Variants in ZNF528 observed in about 807,000 individuals in gnomAD.
ZNF528 encodes zinc finger protein 528.
Under a neutral mutation model 13.3 loss-of-function variants are expected in ZNF528, and 9 were observed. The ratio of observed to expected loss-of-function variants is 0.67; its 90% CI spans 0.41 to 1.18. ZNF528 has a LOEUF of 1.18. ZNF528 is among the 50% of genes most tolerant of loss of function. The pLI, the probability that ZNF528 is intolerant of heterozygous loss-of-function variation, is 0.01. For synonymous variants in ZNF528, 264 were observed against 254.3 expected, an observed-to-expected ratio of 1.04 and a Z score of -0.36; for missense variants, 858 against 745.4, an observed-to-expected ratio of 1.15 and a Z score of -1.76.
chr19:52,408,086 C>T (rs1382461368), intron 6 of ZNF528: 2 of 152,056 alleles, frequency 1.3e-5, no homozygotes, highest in African/African-American at 4.8e-5. Context: ...AACAACTCTG[C>T]TCTTTCTGTT....
In ZNF528 at chr19:52,415,946, G is replaced by A. The variant is rs142156816; in HGVS notation, c.1094G>A (p.Arg365His). ...GAATGTGGCAAAGCATTTTCAGTGC[G>A]TTCCAGCCTCATAACCCATCAGTTA... ...CEECGKAFSV[R>H]SSLITHQLIH... The change falls in exon 7 of 7, where the codon CGT (arginine) becomes CAT (histidine). Residue 365 changes from arginine to histidine, a missense_variant. Physicochemically the swap from Arg to His is conservative, Grantham distance 29. Transcript: ENST00000360465. 8.4e-3 allele frequency: 13,591 copies of A among 1,613,842 alleles called. 130 individuals carry two copies. The highest frequency in any genetic ancestry group is 0.026 in the Middle Eastern group (159 of 6,060).
At position 52,401,690 on chromosome 19, in the gene ZNF528, C is replaced by G. The variant is rs758388321; in HGVS notation, c.-131C>G. ...TTTTTTTTTTTTTTTTTTAGGTTCA[C>G]AAATTTTAAGAAAGGGAGAATAAAG... is the stretch of plus-strand genomic sequence containing the variant. On this transcript the variant is annotated 5_prime_UTR_variant, in exon 3 of 7. Coordinates refer to ENST00000360465, the MANE Select transcript of ZNF528 (RefSeq NM_032423.3). 2 of 783,344 alleles carry G rather than the reference C, an allele frequency of 2.6e-6. No homozygotes were observed. Among genetic ancestry groups the G allele is most frequent in the Non-Finnish European group, 3.5e-6 (2 of 576,912 alleles). 48.5% of individuals were successfully genotyped at this position (783,344 alleles called of 1,614,324 possible). A position where few individuals can be genotyped will look rare whatever the true frequency, so the allele number is the denominator to read the frequency against.
At position 52,417,874 on chromosome 19, in the gene ZNF528, C is replaced by T. The variant is rs914030707; in HGVS notation, c.*1135C>T. The T allele has an allele frequency of 6.6e-6, 1 of 152,148 alleles. No individual in the cohort carries two copies. Among genetic ancestry groups the T allele is most frequent in the African/African-American group, 2.4e-5 (1 of 41,422 alleles). The allele number at this position is 152,148 out of a possible 1,614,324, so 9.4% of individuals were successfully genotyped here. On this transcript the variant is annotated 3_prime_UTR_variant, in exon 7 of 7. Coordinates refer to ENST00000360465, the MANE Select transcript of ZNF528 (RefSeq NM_032423.3). ...CAAGTGATATGTTCACCTCAGCCTC[C>T]CAAAGTGCTGGGATTACAGGCATGA...
chr19:52,408,531 T>C (rs2058888528), intron 6 of ZNF528: 3 of 152,126 alleles, frequency 2.0e-5, no homozygotes. Flanking sequence ...GCAATAATAC[T>C]TGTTTCTGTA....
chr19:52,415,938 T>G lies in ZNF528; in HGVS notation c.1086T>G (p.Phe362Leu), dbSNP rs1264723644. Reference protein sequence around the residue: ...PYKCEECGKAFSVRSSLITHQ... With the variant: ...PYKCEECGKALSVRSSLITHQ... Reference sequence around the variant, plus strand: ...AATGTGAAGAATGTGGCAAAGCATTTTCAGTGCGTTCCAGCCTCATAACCC... The same window carrying G: ...AATGTGAAGAATGTGGCAAAGCATTGTCAGTGCGTTCCAGCCTCATAACCC... Residue 362 changes from phenylalanine (F) to leucine (L), a missense_variant, in exon 7 of 7, where the codon TTT becomes TTG. Transcript: ENST00000360465. The G allele has an allele frequency of 3.1e-6, 5 of 1,613,764 alleles. No homozygotes were observed. In the East Asian group the frequency reaches 1.1e-4, roughly 36 times the overall value.
At chr19:52,414,844 C>T (rs1177046817) in intron 6 of ZNF528, 1 of 976,118 alleles carries the variant, frequency 1.0e-6, no homozygotes, top group Non-Finnish European at 1.5e-6. Flanking sequence ...CTAAGAGGCT[C>T]ATCCCTGCTT....
At chr19:52,400,396 T>G (rs1159205305) in intron 2 of ZNF528, among the ~76,000 whole-genome samples, 2 of 152,116 alleles carry the variant, frequency 1.3e-5, no homozygotes, top group Non-Finnish European at 2.9e-5. Context: ...GTTTAGGCGC[T>G]CTCTCACTCT....
intron 6 of ZNF528, among the ~76,000 whole-genome samples, chr19:52,408,808 C>A (rs1039731192): frequency 6.6e-6 from 1 of 152,128 alleles, no homozygotes; most frequent in South Asian, 2.1e-4. Flanking sequence ...CTCAGGTGAT[C>A]CACCCACCTC....
intron 4 of ZNF528, among the ~76,000 whole-genome samples, chr19:52,405,703 T>C (rs1423271459): frequency 6.6e-6 from 1 of 151,178 alleles, no homozygotes; most frequent in Non-Finnish European, 1.5e-5. Flanking sequence ...ACATCTACAC[T>C]GATTTAAGGA....
chr19:52,398,612 A>C lies in ZNF528; in HGVS notation c.-144A>C. The C allele has an allele frequency of 1.0e-4, 102 of 985,520 alleles. No homozygotes were observed. The highest frequency in any genetic ancestry group is 1.2e-4 in the Non-Finnish European group (99 of 829,974). 61.0% of individuals were successfully genotyped at this position (985,520 alleles called of 1,614,324 possible). A position where few individuals can be genotyped will look rare whatever the true frequency, so the allele number is the denominator to read the frequency against. The stretch of plus-strand genomic sequence containing the variant: ...TGAGAGACCCATTAACAGAAGGCAA[A>C]GTAGAAGGTGAGTGAGGGGTTTGCA... On this transcript the variant is annotated 5_prime_UTR_variant, in exon 2 of 7. Transcript: ENST00000360465.
intron 6 of ZNF528, chr19:52,408,480 A>C (rs906060730): frequency 2.0e-5 from 3 of 151,978 alleles, no homozygotes; most frequent in African/African-American, 7.2e-5. Context: ...TGTCTTTTAA[A>C]TTGTAGGAAA....
In ZNF528 at chr19:52,415,520, G is replaced by C; in HGVS notation, c.668G>C (p.Ser223Thr). 6.2e-7 allele frequency: 1 copy of C among 1,614,184 alleles called. No individual in the cohort carries two copies. The highest frequency in any genetic ancestry group is 8.5e-7 in the Non-Finnish European group (1 of 1,180,036). Residue 223 changes from serine to threonine, a missense_variant, in exon 7 of 7, where the codon AGT becomes ACT. Transcript: ENST00000360465. ...TGCAGTGAATGTGGCAAGGTCTTTA[G>C]TTGCAGTTCAAAGCTTGTGATACAT... The part of the protein sequence containing the change: ...YKCSECGKVF[S>T]CSSKLVIHRR...
At chr19:52,401,627 T>G (rs2058794846) in intron 2 of ZNF528, 58 bp from the exon 3 acceptor site, 1 of 1,217,802 alleles carries the variant, frequency 8.2e-7, no homozygotes, top group African/African-American at 1.6e-5. Context: ...AAGTATGATT[T>G]TAGGAATCAC....
intron 6 of ZNF528, among the ~76,000 whole-genome samples, chr19:52,410,151 C>T (rs1225406392): frequency 6.6e-6 from 1 of 152,196 alleles, no homozygotes. Flanking sequence ...CTTTACAAAT[C>T]AACCTGTTGT....
chr19:52,402,102 T>TTTCC (rs1397260681), intron 4 of ZNF528, 74 bp downstream of exon 4: 1 of 1,608,726 alleles, frequency 6.2e-7, no homozygotes, highest in African/African-American at 1.3e-5. Context: ...GTTGCTAATC[T>TTTCC]TTGACTCTGA....
chr19:52,415,441 G>T lies in ZNF528; in HGVS notation c.589G>T (p.Ala197Ser), dbSNP rs377378031. 6.2e-7 allele frequency: 1 copy of T among 1,614,060 alleles called. No homozygotes were observed. Among genetic ancestry groups the T allele is most frequent in the Non-Finnish European group, 8.5e-7 (1 of 1,180,046 alleles). The change falls in exon 7 of 7, where the codon GCA (alanine) becomes TCA (serine). Residue 197 changes from alanine to serine, a missense_variant. Transcript: ENST00000360465. ...KCNEHGQVFRASASLTNQVIH... is the reference protein window; with the variant it reads ...KCNEHGQVFRSSASLTNQVIH... ...TAATGAGCACGGCCAAGTCTTTAGA[G>T]CATCTGCAAGCCTTACTAACCAAGT... is the stretch of plus-strand genomic sequence containing the variant.
chr19:52,415,068 A>G lies in ZNF528; in HGVS notation c.272-56A>G. On this transcript the variant is annotated intron_variant, in intron 6 of 6. Transcript: ENST00000360465. Reference sequence around the variant, plus strand: ...AGGCAGAATCTAGACCCTCTGTCAGACACTAAAGATGCCATTATCATGGGT... The same window carrying G: ...AGGCAGAATCTAGACCCTCTGTCAGGCACTAAAGATGCCATTATCATGGGT... 1.9e-6 allele frequency: 3 copies of G among 1,610,984 alleles called. No homozygotes were observed. In the Middle Eastern group the frequency reaches 5.0e-4, roughly 266 times the overall value.
chr19:52,406,612 C>T lies in ZNF528; in HGVS notation c.240C>T (p.Asp80=), dbSNP rs781039268. 4.4e-5 allele frequency: 71 copies of T among 1,613,774 alleles called. No individual in the cohort carries two copies. Among genetic ancestry groups the T allele is most frequent in the Admixed American group, 1.0e-4 (6 of 59,962 alleles). ...QSEEKIANDP[D]GRECIKGVNT... is the part of the protein sequence containing the mutation. ...AAGAGAAAATAGCAAACGATCCAGA[C>T]GGCAGGGAGTGCATCAAAGGTGTGA... The change falls in exon 6 of 7, where the codon GAC becomes GAT. Residue 80 remains aspartate (D), a synonymous_variant. Coordinates refer to ENST00000360465, the MANE Select transcript of ZNF528 (RefSeq NM_032423.3).
At chr19:52,401,893 C>T in intron 3 of ZNF528, 54 bp from the exon 4 acceptor site, 1 of 1,579,510 alleles carries the variant, frequency 6.3e-7, no homozygotes. Context: ...GGCTATGGCA[C>T]AGGAAGGAGG....
Sources: allele counts gnomAD v4.1 joint callset (sites outside exome capture counted in the v4.1 genomes callset), GRCh38; gene constraint gnomAD v4.1.1; transcripts MANE v1.5; gene names NCBI Gene and HGNC (gene_info 2026-07-23, HGNC 2026-07-21).